Variants in HIVEP3 observed in about 807,000 individuals in gnomAD.
The protein encoded by HIVEP3 is transcription factor HIVEP3.
HIVEP3 carries 49 observed loss-of-function variants against 152.8 expected under a neutral mutation model. That is an observed-to-expected ratio of 0.32 (90% CI 0.26 to 0.41). The LOEUF (loss-of-function observed/expected upper bound fraction) is 0.41. Ranked by LOEUF, HIVEP3 falls within the 10% of genes least tolerant of loss-of-function variation. The pLI is 1.00. For synonymous variants in HIVEP3, 1,269 were observed against 1,289.0 expected, an observed-to-expected ratio of 0.98 and a Z score of 0.33; for missense variants, 2,790 against 3,103.3, an observed-to-expected ratio of 0.90 and a Z score of 2.40.
intron 1 of HIVEP3, among the ~76,000 whole-genome samples, chr1:41,735,281 A>T (rs1376018782): frequency 6.6e-6 from 1 of 152,238 alleles, no homozygotes; most frequent in Non-Finnish European, 1.5e-5. Flanking sequence ...GGGCACGTAG[A>T]ACCATGTCTA....
rs78169773 is a variant in HIVEP3 at position 41,903,620 on chromosome 1, C to A, written c.-801+14793G>T. Among the ~76,000 whole-genome samples the A allele has an allele frequency of 2.5e-3, 385 of 152,336 alleles. 1 individual carries two copies. Among genetic ancestry groups the A allele is most frequent in the Non-Finnish European group, 4.0e-3 (270 of 68,026 alleles). On this transcript the variant is annotated intron_variant, in intron 1 of 8. Coordinates refer to ENST00000372583, the MANE Select transcript of HIVEP3 (RefSeq NM_024503.5). ...TGACATTAGAAAAGAAATCAAAAAGCATCTGTCCTTGTTTCTTGAAGCCAG... is the reference window on the plus strand; with the variant it reads ...TGACATTAGAAAAGAAATCAAAAAGAATCTGTCCTTGTTTCTTGAAGCCAG...
chr1:41,963,698 A>T (rs1372351665), intron 1 of HIVEP3, among the ~76,000 whole-genome samples: 1 of 152,224 alleles, frequency 6.6e-6, no homozygotes, highest in East Asian at 1.9e-4. Flanking sequence ...CTCCAAGCTG[A>T]TAACCACTTC....
At chr1:41,573,698 G>A (rs934258086) in intron 5 of HIVEP3, among the ~76,000 whole-genome samples, 4 of 152,110 alleles carry the variant, frequency 2.6e-5, no homozygotes, top group African/African-American at 9.7e-5. Flanking sequence ...AATCCCACAT[G>A]TTATTTTCCC....
At chr1:41,780,659 A>AG (rs1292631407) in intron 1 of HIVEP3, among the ~76,000 whole-genome samples, 1 of 152,204 alleles carries the variant, frequency 6.6e-6, no homozygotes, top group Non-Finnish European at 1.5e-5. Flanking sequence ...ACACAAATGC[A>AG]GGACCGAACT....
At chr1:41,649,421 A>G (rs1645511928) in intron 2 of HIVEP3, among the ~76,000 whole-genome samples, 1 of 152,216 alleles carries the variant, frequency 6.6e-6, no homozygotes. Flanking sequence ...GCAGTTAGTC[A>G]ACAGGCCACA....
intron 2 of HIVEP3, among the ~76,000 whole-genome samples, chr1:41,687,288 G>A (rs545308261): frequency 6.6e-6 from 1 of 152,298 alleles, no homozygotes; most frequent in Admixed American, 6.5e-5. Context: ...AGGAAGCTAT[G>A]GGGGGTTTTC....
At chr1:42,001,203 AG>A (rs1645426108) in intron 1 of HIVEP3, among the ~76,000 whole-genome samples, 1 of 152,256 alleles carries the variant, frequency 6.6e-6, no homozygotes, top group Non-Finnish European at 1.5e-5. Flanking sequence ...ACACTGAAAA[AG>A]AAGAGTCTGC....
chr1:41,597,921 C>T (rs4578215), intron 3 of HIVEP3, among the ~76,000 whole-genome samples: 146,041 of 152,316 alleles, frequency 0.96, 70,057 homozygotes, highest in East Asian at 1. Flanking sequence ...AGCTAATTCA[C>T]CTACTAAGTT....
At chr1:41,861,144 C>T (rs1312366244) in intron 1 of HIVEP3, among the ~76,000 whole-genome samples, 1 of 152,194 alleles carries the variant, frequency 6.6e-6, no homozygotes, top group Admixed American at 6.5e-5. Flanking sequence ...GGCAGAATGG[C>T]TAATGACTCC....
intron 1 of HIVEP3, among the ~76,000 whole-genome samples, chr1:41,976,128 T>A (rs139151744): frequency 1.3e-5 from 2 of 152,066 alleles, no homozygotes; most frequent in East Asian, 3.9e-4. Context: ...CCCACTGAAG[T>A]CAATGGAAAA....
chr1:41,735,895 A>C (rs1340095078), intron 1 of HIVEP3, among the ~76,000 whole-genome samples: 1 of 152,198 alleles, frequency 6.6e-6, no homozygotes, highest in Admixed American at 6.5e-5. Context: ...GGAAGCAAGC[A>C]GGAGGGTGGG....
chr1:41,631,373 A>G (rs527603208), intron 2 of HIVEP3, among the ~76,000 whole-genome samples: 1 of 152,296 alleles, frequency 6.6e-6, no homozygotes, highest in East Asian at 1.9e-4. Flanking sequence ...CGTACATGGA[A>G]AAAGGTTGGA....
chr1:42,015,911 T>A (rs766631475), intron 1 of HIVEP3, among the ~76,000 whole-genome samples: 1 of 152,266 alleles, frequency 6.6e-6, no homozygotes, highest in Non-Finnish European at 1.5e-5. Flanking sequence ...TTTCCTTTCA[T>A]GCTTTGTGCC....
chr1:41,633,346 C>T (rs933207889), intron 2 of HIVEP3, among the ~76,000 whole-genome samples: 5 of 152,180 alleles, frequency 3.3e-5, no homozygotes, highest in African/African-American at 9.7e-5. Context: ...CTCACCCAGC[C>T]GGGCAGTGAG....
chr1:41,768,044 C>A (rs1377471069), intron 1 of HIVEP3, among the ~76,000 whole-genome samples: 1 of 152,230 alleles, frequency 6.6e-6, no homozygotes, highest in Non-Finnish European at 1.5e-5. Flanking sequence ...GGCCAAAACA[C>A]TAAAAGCACT....
chr1:41,672,793 A>G (rs1645897391), intron 2 of HIVEP3, among the ~76,000 whole-genome samples: 1 of 152,192 alleles, frequency 6.6e-6, no homozygotes. Context: ...GGAGAGTGAA[A>G]GAGGAGGAAG....
intron 1 of HIVEP3, among the ~76,000 whole-genome samples, chr1:41,979,902 T>C (rs1645285091): frequency 6.6e-6 from 1 of 152,256 alleles, no homozygotes; most frequent in Admixed American, 6.5e-5. Context: ...GGAATATGAA[T>C]ACTATAAAAT....
chr1:41,547,660 G>C lies in HIVEP3; in HGVS notation c.5208-22750C>G, dbSNP rs115228957. On this transcript the variant is annotated intron_variant, in intron 5 of 8. Transcript: ENST00000372583. Reference sequence around the variant, plus strand: ...GCCAGGCGTTAGGGCCAACCATGTGGCAGAGTTATAGCAATACCAGGCTTT... The same window carrying C: ...GCCAGGCGTTAGGGCCAACCATGTGCCAGAGTTATAGCAATACCAGGCTTT... Among the ~76,000 whole-genome samples the C allele has an allele frequency of 9.5e-3, 1,451 of 152,306 alleles. 23 individuals are homozygous for C. The highest frequency in any genetic ancestry group is 0.033 in the African/African-American group (1,369 of 41,556).
Position 41,531,211 on chromosome 1 carries a change from A to T in HIVEP3, c.5208-6301T>A, listed in dbSNP as rs542353658. 4.2e-5 allele frequency among the ~76,000 whole-genome samples: 6 copies of T among 143,618 alleles called. No individual in the cohort carries two copies. In the South Asian group the frequency reaches 1.2e-3, roughly 28 times the overall value. The allele number at this position is 143,618 out of a possible 152,430, so 94.2% of individuals were successfully genotyped here. On this transcript the variant is annotated intron_variant, in intron 5 of 8. Transcript: ENST00000372583. ...GAGAGATGGAGGACTGGAGAGATAG[A>T]GGACAGGAGAGAAGGGAGAACAGGA...
Sources: gnomAD v4.1 joint callset for allele counts (sites outside exome capture counted in the v4.1 genomes callset) on GRCh38, gnomAD v4.1.1 for gene constraint, MANE v1.5 for transcripts, NCBI Gene and HGNC (gene_info 2026-07-23, HGNC 2026-07-21) for gene names.